The following DMD variants were observed in gnomAD, a reference collection of about 807,000 sequenced individuals.
DMD encodes mutant dystrophin.
Under a neutral mutation model 330.1 loss-of-function variants are expected in DMD, and 63 were observed. The observed-to-expected ratio is 0.19, with a 90% CI of 0.16 to 0.24. DMD has a LOEUF of 0.24. Among genes scored for constraint, DMD ranks in the 10% least tolerant of loss-of-function variants. The probability of loss-of-function intolerance (pLI) is 1.00; values close to 1 mark genes in which losing one functional copy is unlikely to be tolerated. For synonymous variants in DMD, 1,223 were observed against 959.8 expected (o/e 1.27, Z -5.07); for missense variants, 3,344 against 2,684.1 (o/e 1.25, Z -5.43).
At chrX:32,221,669 A>G in intron 43 of DMD, among the ~76,000 whole-genome samples, 1 of 111,673 alleles carries the variant, frequency 9.0e-6, no homozygotes, top group Non-Finnish European at 1.9e-5. Flanking sequence ...AGTAGTGTAC[A>G]TTACACCCCA....
intron 1 of DMD, among the ~76,000 whole-genome samples, chrX:33,198,255 C>T (rs951023669): frequency 4.5e-5 from 5 of 110,980 alleles, no homozygotes; most frequent in Non-Finnish European, 1.9e-5. Context: ...AGGCTTTTCC[C>T]ACATTTTTTT....
chrX:32,819,280 CT>C (rs2078024507), intron 5 of DMD, among the ~76,000 whole-genome samples: 1 of 110,938 alleles, frequency 9.0e-6, no homozygotes, highest in Non-Finnish European at 1.9e-5. Context: ...CATCATTCTC[CT>C]GTAATTGCAA....
intron 2 of DMD, among the ~76,000 whole-genome samples, chrX:32,949,251 T>TACACACACAC (rs10587318): frequency 1.1e-5 from 1 of 89,579 alleles, no homozygotes; most frequent in Non-Finnish European, 2.2e-5. Context: ...AATCGTTACA[T>TACACACACAC]ACACACACAC....
chrX:32,068,702 G>A (rs1314300572), intron 44 of DMD, among the ~76,000 whole-genome samples: 1 of 110,758 alleles, frequency 9.0e-6, no homozygotes, highest in African/African-American at 3.3e-5. Flanking sequence ...AAAACTGCCT[G>A]CTAAATCTAA....
At chrX:31,899,337 C>T (rs1199522450) in intron 47 of DMD, among the ~76,000 whole-genome samples, 2 of 99,832 alleles carry the variant, frequency 2.0e-5, no homozygotes, top group African/African-American at 7.2e-5. Context: ...GAAGAACAGG[C>T]TTTTTTTTTT....
intron 57 of DMD, among the ~76,000 whole-genome samples, chrX:31,492,078 G>A (rs1480940928): frequency 9.0e-5 from 10 of 111,682 alleles, no homozygotes; most frequent in Non-Finnish European, 1.3e-4. Flanking sequence ...AAATACTTGC[G>A]GAATAAGTTT....
chrX:32,929,440 C>T (rs1327467647), intron 2 of DMD, among the ~76,000 whole-genome samples: 4 of 110,683 alleles, frequency 3.6e-5, no homozygotes. Flanking sequence ...CTCTCTCTCT[C>T]TCTCACTGTT....
At chrX:32,333,737 C>T (rs762799140) in intron 41 of DMD, among the ~76,000 whole-genome samples, 1 of 110,598 alleles carries the variant, frequency 9.0e-6, no homozygotes, top group Admixed American at 9.7e-5. Context: ...CTGAGGGAAG[C>T]CCTTGAAAAT....
intron 2 of DMD, among the ~76,000 whole-genome samples, chrX:32,988,462 G>C (rs2092902370): frequency 8.9e-6 from 1 of 112,051 alleles, no homozygotes; most frequent in African/African-American, 3.2e-5. Flanking sequence ...TAATAAGTTT[G>C]CTTCCTGAGC....
intron 44 of DMD, among the ~76,000 whole-genome samples, chrX:32,188,500 C>A (rs1164260594): frequency 9.7e-6 from 1 of 103,396 alleles, no homozygotes; most frequent in Non-Finnish European, 2.0e-5. Flanking sequence ...CATGAATAGT[C>A]AATTACGAGA....
chrX:32,679,120 A>G (rs1156682594), intron 9 of DMD, among the ~76,000 whole-genome samples: 5 of 111,948 alleles, frequency 4.5e-5, no homozygotes, highest in African/African-American at 1.6e-4. Flanking sequence ...TGAGTGATTA[A>G]TATTGCTAGG....
chrX:31,957,911 G>T (rs1483189589), intron 45 of DMD, among the ~76,000 whole-genome samples: 1 of 110,932 alleles, frequency 9.0e-6, no homozygotes, highest in Admixed American at 9.6e-5. Flanking sequence ...AACAAAGGTA[G>T]GACACTCACC....
At chrX:33,297,630 T>C (rs1421318824) in intron 1 of DMD, among the ~76,000 whole-genome samples, 1 of 111,322 alleles carries the variant, frequency 9.0e-6, no homozygotes, top group African/African-American at 3.3e-5. Flanking sequence ...ATGGTATGTA[T>C]ACAATGAAAT....
At chrX:31,859,232 A>T (rs2093661911) in intron 48 of DMD, among the ~76,000 whole-genome samples, 1 of 111,253 alleles carries the variant, frequency 9.0e-6, no homozygotes, top group Non-Finnish European at 1.9e-5. Context: ...CATTTTGGAG[A>T]GGAGCAGGAG....
At chrX:32,532,700 A>T (rs1367809764) in intron 17 of DMD, among the ~76,000 whole-genome samples, 1 of 112,579 alleles carries the variant, frequency 8.9e-6, no homozygotes, top group African/African-American at 3.2e-5. Flanking sequence ...ACTGGCTTTA[A>T]GCCCTATGCC....
chrX:33,091,313 A>G (rs2095082435), intron 1 of DMD, among the ~76,000 whole-genome samples: 2 of 111,705 alleles, frequency 1.8e-5, no homozygotes, highest in African/African-American at 6.5e-5. Context: ...TATTTTATCA[A>G]GATACTTGAA....
intron 72 of DMD, among the ~76,000 whole-genome samples, chrX:31,173,286 TA>T (rs762683670): frequency 2.7e-5 from 3 of 111,141 alleles, no homozygotes; most frequent in East Asian, 5.6e-4. Context: ...GTGCTCAGTA[TA>T]AAAAAACATA....
At chrX:31,574,530 C>A (rs2076001875) in intron 55 of DMD, among the ~76,000 whole-genome samples, 1 of 111,466 alleles carries the variant, frequency 9.0e-6, no homozygotes, top group African/African-American at 3.3e-5. Context: ...GAAACTAGTG[C>A]TATGAAAAGC....
At chrX:31,315,811 A>G (rs1302956860) in intron 62 of DMD, among the ~76,000 whole-genome samples, 1 of 112,379 alleles carries the variant, frequency 8.9e-6, no homozygotes, top group Non-Finnish European at 1.9e-5. Flanking sequence ...TGTATCATTG[A>G]TGACATTCTG....
Sources: allele counts gnomAD v4.1 joint callset (sites outside exome capture counted in the v4.1 genomes callset), GRCh38; gene constraint gnomAD v4.1.1; transcripts MANE v1.5; gene names NCBI Gene and HGNC (gene_info 2026-07-23, HGNC 2026-07-21).